Variants in CHD7 observed in about 807,000 individuals in gnomAD.
CHD7 encodes chromodomain helicase DNA binding protein 7.
A neutral mutation model predicts 307.3 loss-of-function variants in CHD7; 24 were observed. That is an observed-to-expected ratio of 0.08 (90% CI 0.06 to 0.11). CHD7 has a LOEUF of 0.11. Among genes scored for constraint, CHD7 ranks in the 10% least tolerant of loss-of-function variants. The pLI, the probability that CHD7 is intolerant of heterozygous loss-of-function variation, is 1.00. For missense variants in CHD7, 3,106 were observed against 3,727.1 expected (o/e 0.83, Z 4.34); for synonymous variants, 1,363 against 1,349.9 (o/e 1.01, Z -0.21).
intron 1 of CHD7, among the ~76,000 whole-genome samples, chr8:60,684,302 G>C (rs533759866): frequency 1.3e-5 from 2 of 152,208 alleles, no homozygotes; most frequent in East Asian, 3.9e-4. Flanking sequence ...TGGCTTTCAC[G>C]GCCACAGAAT....
chr8:60,845,179 T>TG, intron 22 of CHD7, 71 bp from the exon 23 acceptor site: 1 of 1,574,136 alleles, frequency 6.4e-7, no homozygotes, highest in Non-Finnish European at 8.6e-7. Flanking sequence ...CCTCGTGCAT[T>TG]AAGCTCTCTG....
Position 60,841,768 on chromosome 8 carries a change from C to T in CHD7, c.4644+14C>T, listed in dbSNP as rs1368983693. On this transcript the variant is annotated intron_variant, in intron 20 of 37. Coordinates refer to ENST00000423902, the MANE Select transcript of CHD7 (RefSeq NM_017780.4). ...TTAAATGGGAGGGTGAGTAAGAAGT[C>T]CCATTCGAACACCTATCTGATCTAA... The T allele has an allele frequency of 8.7e-6, 14 of 1,602,390 alleles. No individual in the cohort carries two copies. Among genetic ancestry groups the T allele is most frequent in the Non-Finnish European group, 1.1e-5 (13 of 1,169,934 alleles).
intron 1 of CHD7, among the ~76,000 whole-genome samples, chr8:60,683,012 T>C (rs995905773): frequency 2.6e-5 from 4 of 152,250 alleles, no homozygotes; most frequent in African/African-American, 9.6e-5. Flanking sequence ...ATTAAGATGA[T>C]GTCAGCAATA....
Position 60,818,465 on chromosome 8 carries a change from G to A in CHD7, c.2614-1542G>A, listed in dbSNP as rs190016646. Among the ~76,000 whole-genome samples the A allele has an allele frequency of 4.9e-3, 742 of 152,304 alleles. 7 individuals are homozygous for A. The highest frequency in any genetic ancestry group is 0.034 in the South Asian group (162 of 4,832). ...TTTTGCCATCCAAACCTAGTTTTGG[G>A]AAAGTTTAAGTGTTTCTGCTGTACA... On this transcript the variant is annotated intron_variant, in intron 8 of 37. Coordinates refer to ENST00000423902, the MANE Select transcript of CHD7 (RefSeq NM_017780.4).
chr8:60,836,817 G>C lies in CHD7; in HGVS notation c.3990G>C (p.Arg1330=), dbSNP rs1379966544. The C allele has an allele frequency of 1.9e-6, 3 of 1,613,154 alleles. No individual in the cohort carries two copies. Among genetic ancestry groups the C allele is most frequent in the Middle Eastern group, 1.7e-4 (1 of 6,058 alleles). Residue 1330 remains arginine, a splice_region_variant and synonymous_variant, in exon 17 of 38, where the codon CGG becomes CGC. Transcript: ENST00000423902. The stretch of plus-strand genomic sequence containing the variant: ...CCTTGTTCACACTGATGTTTTCTAG[G>C]TACCCATATGAAAGGATCGACGGCC... The part of the protein sequence containing the change: ...DILEDYLIQR[R]YPYERIDGRV...
At chr8:60,850,056 G>T (rs1487450437) in intron 25 of CHD7, among the ~76,000 whole-genome samples, 2 of 152,096 alleles carry the variant, frequency 1.3e-5, no homozygotes, top group African/African-American at 2.4e-5. Flanking sequence ...TATGTATATG[G>T]GGATTTTTCA....
chr8:60,762,303 G>C (rs1385943571), intron 2 of CHD7, among the ~76,000 whole-genome samples: 3 of 152,186 alleles, frequency 2.0e-5, no homozygotes, highest in African/African-American at 4.8e-5. Context: ...CCTTATGTCT[G>C]CAAAGCCTCT....
Position 60,742,784 on chromosome 8 carries a change from G to A in CHD7, c.1352G>A (p.Gly451Asp). Residue 451 changes from glycine to aspartate, a missense_variant, in exon 2 of 38, where the codon GGC becomes GAC. Physicochemically the swap from Gly to Asp is moderately conservative, Grantham distance 94 (BLOSUM62 -1). This residue lies in a region of CHD7 where 998 missense variants were observed against 1,004.5 expected (regional missense o/e 0.99). Coordinates refer to ENST00000423902, the MANE Select transcript of CHD7 (RefSeq NM_017780.4). ...ATGGGAATCGGACAGAGGAATATGGGCCCCAGAAACATGCAGCAGTCTCGT... is the reference window on the plus strand; with the variant it reads ...ATGGGAATCGGACAGAGGAATATGGACCCCAGAAACATGCAGCAGTCTCGT... The part of the protein sequence containing the change: ...GAMGIGQRNM[G>D]PRNMQQSRPF... 1 of 1,614,014 alleles carries A rather than the reference G, an allele frequency of 6.2e-7. No homozygotes were observed. The highest frequency in any genetic ancestry group is 8.5e-7 in the Non-Finnish European group (1 of 1,179,900).
At position 60,865,730 on chromosome 8, in the gene CHD7, G is replaced by A. The variant is rs370271088; in HGVS notation, c.8791G>A (p.Val2931Met). The change falls in exon 38 of 38, where the codon GTG (valine) becomes ATG (methionine). Residue 2931 changes from valine (V) to methionine (M), a missense_variant. Around this residue, in one of 10 missense-constraint regions of CHD7, gnomAD observed 351 missense variants for 366.2 expected, o/e 0.96. Coordinates refer to ENST00000423902, the MANE Select transcript of CHD7 (RefSeq NM_017780.4). This position sits in a 1 kb window ranked among gnomAD's most constrained non-coding sequence, Gnocchi z 4.3. ...AGCATTGGCAGGACTTCAGAATGCC[G>A]TGGGCTCCAGCGAAGAAAAGGCTGC... Reference protein sequence around the residue: ...FPALAGLQNAVGSSEEKAADK... With the variant: ...FPALAGLQNAMGSSEEKAADK... 93 of 1,611,364 alleles carry A rather than the reference G, an allele frequency of 5.8e-5. No homozygotes were observed. Among genetic ancestry groups the A allele is most frequent in the Middle Eastern group, 1.6e-4 (1 of 6,074 alleles).
intron 31 of CHD7, 72 bp downstream of exon 31, chr8:60,853,572 C>A: frequency 8.4e-7 from 1 of 1,192,992 alleles, no homozygotes; most frequent in Non-Finnish European, 1.2e-6. Flanking sequence ...TTTCTGGCAG[C>A]ACGGCACCTG....
chr8:60,832,978 G>T (rs1300257651), intron 15 of CHD7, among the ~76,000 whole-genome samples: 2 of 152,200 alleles, frequency 1.3e-5, no homozygotes, highest in African/African-American at 4.8e-5. Flanking sequence ...ATTTGGGGAA[G>T]TTATAGTGAA....
intron 37 of CHD7, chr8:60,864,521 T>G (rs1806152801): frequency 1.2e-5 from 2 of 166,440 alleles, no homozygotes; most frequent in South Asian, 3.0e-4. Context: ...TGAGATATTT[T>G]GTACAAGCAC....
intron 1 of CHD7, among the ~76,000 whole-genome samples, chr8:60,709,683 A>G (rs866256894): frequency 6.6e-6 from 1 of 152,236 alleles, no homozygotes; most frequent in African/African-American, 2.4e-5. Context: ...TAATTTATTC[A>G]TATCTCAAAA....
intron 3 of CHD7, among the ~76,000 whole-genome samples, chr8:60,788,991 T>G (rs1003372796): frequency 1.3e-5 from 2 of 152,260 alleles, no homozygotes; most frequent in African/African-American, 4.8e-5. Flanking sequence ...TTTTTAGAAC[T>G]TCATACTTTA....
At chr8:60,687,658 T>C (rs1805976617) in intron 1 of CHD7, among the ~76,000 whole-genome samples, 1 of 152,246 alleles carries the variant, frequency 6.6e-6, no homozygotes, top group Non-Finnish European at 1.5e-5. Flanking sequence ...ATAACCATAA[T>C]GACCGGCTGT....
chr8:60,728,541 T>A (rs577017800), intron 1 of CHD7, among the ~76,000 whole-genome samples: 1 of 152,322 alleles, frequency 6.6e-6, no homozygotes, highest in East Asian at 1.9e-4. Context: ...TTCTTTCTTT[T>A]TTTTGAGACA....
At chr8:60,726,630 A>G (rs1808172195) in intron 1 of CHD7, among the ~76,000 whole-genome samples, 1 of 152,232 alleles carries the variant, frequency 6.6e-6, no homozygotes, top group Non-Finnish European at 1.5e-5. Context: ...GGTAGGTGGT[A>G]TCGTATGTAT....
intron 6 of CHD7, among the ~76,000 whole-genome samples, chr8:60,804,767 G>T (rs1812465574): frequency 6.6e-6 from 1 of 152,190 alleles, no homozygotes; most frequent in Admixed American, 6.5e-5. Flanking sequence ...GTTAGGCCTA[G>T]ACTCTGGGTG....
At chr8:60,689,224 G>T (rs1172566364) in intron 1 of CHD7, among the ~76,000 whole-genome samples, 3 of 152,166 alleles carry the variant, frequency 2.0e-5, no homozygotes, top group Non-Finnish European at 4.4e-5. Context: ...GGAGATCCTT[G>T]TACTATTCTA....
Sources: gnomAD v4.1 joint callset for allele counts (sites outside exome capture counted in the v4.1 genomes callset) on GRCh38, gnomAD v4.1.1 for gene constraint, gnomAD v4.1.1 regional missense constraint, Gnocchi (gnomAD v3.1) non-coding constraint, MANE v1.5 for transcripts, NCBI Gene and HGNC (gene_info 2026-07-23, HGNC 2026-07-21) for gene names.